The following UBXN11 variants were observed in gnomAD, a reference collection of about 807,000 sequenced individuals.
The protein encoded by UBXN11 is UBX domain-containing protein 11.
In UBXN11, 47 loss-of-function variants were observed where a neutral mutation model predicts 62.8. The observed-to-expected ratio is 0.75, with a 90% CI of 0.59 to 0.95. UBXN11 has a LOEUF of 0.95. UBXN11 is among the 40% of genes least tolerant of loss of function. The probability of loss-of-function intolerance (pLI) is 0.00; values close to 1 mark genes in which losing one functional copy is unlikely to be tolerated. For synonymous variants in UBXN11, 294 were observed against 267.0 expected, an observed-to-expected ratio of 1.10 and a Z score of -0.99; for missense variants, 638 against 661.7, an observed-to-expected ratio of 0.96 and a Z score of 0.39.
intron 1 of UBXN11, among the ~76,000 whole-genome samples, chr1:26,317,601 T>G (rs1438215528): frequency 1.3e-5 from 2 of 152,218 alleles, no homozygotes; most frequent in Non-Finnish European, 2.9e-5. Flanking sequence ...TGGTTATTAT[T>G]ACATGTAATC....
At chr1:26,300,781 G>T (rs2073512777) in intron 4 of UBXN11, 145 bp downstream of exon 4, 2 of 1,384,966 alleles carry the variant, frequency 1.4e-6, no homozygotes, top group African/African-American at 2.9e-5. Context: ...GCCAAGCCAG[G>T]TCCCTGCCAC....
chr1:26,284,380 T>C lies in UBXN11; in HGVS notation c.955A>G (p.Arg319Gly), dbSNP rs1160467569. Residue 319 changes from arginine to glycine, a missense_variant, in exon 11 of 15, where the codon AGG (arginine) becomes GGG (glycine). Transcript: ENST00000374222. ...GRQLMHKALD[R>G]VEEHPGSRMT... is the part of the protein sequence containing the mutation. ...AACTCACCTGGGTGCTCCTCCACCC[T>C]GTCCAAGGCCTTGTGCATCAGCTGC... 1 of 1,614,064 alleles carries C rather than the reference T, an allele frequency of 6.2e-7. No homozygotes were observed. Among genetic ancestry groups the C allele is most frequent in the Admixed American group, 1.7e-5 (1 of 60,008 alleles).
In UBXN11 at chr1:26,284,399, C is replaced by T. The variant is rs1242970848; in HGVS notation, c.936G>A (p.Leu312=). The part of the protein sequence containing the change: ...PGEGRVVGRQ[L]MHKALDRVEE... Reference sequence around the variant, plus strand: ...CCACCCTGTCCAAGGCCTTGTGCATCAGCTGCCTGCCCACCACACGGCCCT... The same window carrying T: ...CCACCCTGTCCAAGGCCTTGTGCATTAGCTGCCTGCCCACCACACGGCCCT... Residue 312 remains leucine, a synonymous_variant, in exon 11 of 15, where the codon CTG becomes CTA. Coordinates refer to ENST00000374222, the MANE Select transcript of UBXN11 (RefSeq NM_001389556.1). 1.9e-6 allele frequency: 3 copies of T among 1,613,938 alleles called. No individual in the cohort carries two copies. The Admixed American group carries it at 5.0e-5, about 27-fold the overall frequency.
At chr1:26,296,429 G>A (rs1294558945) in intron 7 of UBXN11, among the ~76,000 whole-genome samples, 2 of 152,204 alleles carry the variant, frequency 1.3e-5, no homozygotes, top group Non-Finnish European at 2.9e-5. Flanking sequence ...AGGCCCGGGG[G>A]ATATGACTGA....
chr1:26,294,738 C>T (rs1185744543), intron 7 of UBXN11, among the ~76,000 whole-genome samples: 1 of 152,172 alleles, frequency 6.6e-6, no homozygotes, highest in Admixed American at 6.5e-5. Flanking sequence ...TAGGGCTTGG[C>T]CGCATGTCCC....
intron 4 of UBXN11, 108 bp from the exon 5 acceptor site, chr1:26,298,170 G>T: frequency 1.8e-6 from 2 of 1,133,240 alleles, no homozygotes; most frequent in Non-Finnish European, 2.5e-6. Context: ...GGTACTGAGA[G>T]CAGCTCCCAC....
chr1:26,297,862 G>T, intron 5 of UBXN11, 100 bp downstream of exon 5: 13 of 1,302,810 alleles, frequency 1.0e-5, no homozygotes, highest in Non-Finnish European at 1.3e-5. Context: ...TGTGGTAGAC[G>T]GTTCTAGAAT....
At chr1:26,301,167 A>T in intron 3 of UBXN11, 143 bp from the exon 4 acceptor site, 4 of 1,485,980 alleles carry the variant, frequency 2.7e-6, no homozygotes, top group Non-Finnish European at 1.8e-6. Flanking sequence ...CTGGGGAGCA[A>T]GGATCCAACC....
upstream of UBXN11, among the ~76,000 whole-genome samples, chr1:26,311,295 T>A (rs1337023805): frequency 6.6e-6 from 1 of 151,860 alleles, no homozygotes; most frequent in African/African-American, 2.4e-5. Flanking sequence ...CCCACCACCA[T>A]GCCCAGCTAA....
At chr1:26,296,810 G>A (rs2073404351) in intron 7 of UBXN11, 109 bp downstream of exon 7, 1 of 1,165,418 alleles carries the variant, frequency 8.6e-7, no homozygotes, top group South Asian at 1.5e-5. Flanking sequence ...GGTGGGATGT[G>A]ACGAGGAGAG....
At chr1:26,315,392 G>A (rs897485474) in intron 1 of UBXN11, among the ~76,000 whole-genome samples, 2 of 152,128 alleles carry the variant, frequency 1.3e-5, no homozygotes, top group South Asian at 4.2e-4. Context: ...ACTTCAACAC[G>A]GGTATCCTGT....
Position 26,293,581 on chromosome 1 carries a change from C to T in UBXN11, c.559+624G>A, listed in dbSNP as rs192833844. Among the ~76,000 whole-genome samples, 896 of 152,032 alleles carry T rather than the reference C, an allele frequency of 5.9e-3. 8 individuals are homozygous for T. The highest frequency in any genetic ancestry group is 0.021 in the African/African-American group (874 of 41,466). Reference sequence around the variant, plus strand: ...TCTTTACTAAAAATACAAAAATTAGCTGGGTGTGTTGGCACACACTTGTAA... The same window carrying T: ...TCTTTACTAAAAATACAAAAATTAGTTGGGTGTGTTGGCACACACTTGTAA... On this transcript the variant is annotated intron_variant, in intron 8 of 14. Coordinates refer to ENST00000374222, the MANE Select transcript of UBXN11 (RefSeq NM_001389556.1).
chr1:26,295,621 T>C (rs2073373467), intron 7 of UBXN11, among the ~76,000 whole-genome samples: 1 of 152,160 alleles, frequency 6.6e-6, no homozygotes, highest in South Asian at 2.1e-4. Flanking sequence ...GTCTAAGGCC[T>C]GGATCCTCTC....
intron 8 of UBXN11, among the ~76,000 whole-genome samples, chr1:26,291,276 A>AGAGGAAC (rs1481053594): frequency 6.6e-6 from 1 of 152,144 alleles, no homozygotes; most frequent in East Asian, 1.9e-4. Flanking sequence ...ACCTGGGGAG[A>AGAGGAAC]GAGGAACGGG....
chr1:26,297,840 TG>T, intron 5 of UBXN11, 121 bp downstream of exon 5: 1 of 1,112,252 alleles, frequency 9.0e-7, no homozygotes, highest in Non-Finnish European at 1.3e-6. Flanking sequence ...GTCCTCGAAC[TG>T]GGCAGGTCAG....
At chr1:26,304,682 G>A (rs770877085) in intron 1 of UBXN11, among the ~76,000 whole-genome samples, 15 of 152,132 alleles carry the variant, frequency 9.9e-5, no homozygotes, top group Non-Finnish European at 2.1e-4. Context: ...GAACCCAGGA[G>A]GCGGAGGTTG....
Position 26,284,376 on chromosome 1 carries a change from A to T in UBXN11, c.959T>A (p.Val320Glu). Residue 320 changes from valine to glutamate, a missense_variant, in exon 11 of 15, where the codon GTG becomes GAG. Physicochemically the swap from Val to Glu is moderately radical, Grantham distance 121 (BLOSUM62 -2). Coordinates refer to ENST00000374222, the MANE Select transcript of UBXN11 (RefSeq NM_001389556.1). ...GCCAAACTCACCTGGGTGCTCCTCC[A>T]CCCTGTCCAAGGCCTTGTGCATCAG... The part of the protein sequence containing the change: ...RQLMHKALDR[V>E]EEHPGSRMTA... 6.2e-7 allele frequency: 1 copy of T among 1,613,780 alleles called. No individual in the cohort carries two copies.
At chr1:26,310,267 G>A (rs2073727939), upstream of UBXN11, among the ~76,000 whole-genome samples, 1 of 152,224 alleles carries the variant, frequency 6.6e-6, no homozygotes, top group South Asian at 2.1e-4. Context: ...GCCAGGAGCA[G>A]TGGCTCATGC....
intron 4 of UBXN11, among the ~76,000 whole-genome samples, chr1:26,299,599 T>C (rs1208577196): frequency 1.4e-5 from 2 of 148,144 alleles, no homozygotes; most frequent in Non-Finnish European, 3.0e-5. Flanking sequence ...CAGAGGGTAA[T>C]GGGAGGGCAG....
Sources: gnomAD v4.1 joint callset for allele counts (sites outside exome capture counted in the v4.1 genomes callset) on GRCh38, gnomAD v4.1.1 for gene constraint, MANE v1.5 for transcripts, NCBI Gene and HGNC (gene_info 2026-07-23, HGNC 2026-07-21) for gene names.